Variants in GALNT13 observed in about 807,000 individuals in gnomAD.
GALNT13 encodes UDP-GalNAc:polypeptide N-acetylgalactosaminyltransferase 13.
A neutral mutation model predicts 64.2 loss-of-function variants in GALNT13; 28 were observed. The ratio of observed to expected loss-of-function variants is 0.44; its 90% CI spans 0.32 to 0.60. The LOEUF (loss-of-function observed/expected upper bound fraction) is 0.60, where lower values mean the gene tolerates loss of function less well. Ranked by LOEUF, GALNT13 falls within the 20% of genes least tolerant of loss-of-function variation. The probability of loss-of-function intolerance (pLI) is 0.05; values close to 1 mark genes in which losing one functional copy is unlikely to be tolerated. For synonymous variants in GALNT13, 214 were observed against 224.6 expected, an observed-to-expected ratio of 0.95 and a Z score of 0.42; for missense variants, 577 against 669.8, an observed-to-expected ratio of 0.86 and a Z score of 1.53.
At chr2:154,111,725 T>C (rs1318305810) in intron 3 of GALNT13, among the ~76,000 whole-genome samples, 1 of 152,144 alleles carries the variant, frequency 6.6e-6, no homozygotes, top group African/African-American at 2.4e-5. Flanking sequence ...AAGAGCACCA[T>C]ATATTGGACG....
In GALNT13 at chr2:153,913,921, A is replaced by C. The variant is rs1242656755; in HGVS notation, c.-105+12914A>C. Among the ~76,000 whole-genome samples, 3 of 152,172 alleles carry C rather than the reference A, an allele frequency of 2.0e-5. No homozygotes were observed. In the East Asian group the frequency reaches 5.8e-4, roughly 29 times the overall value. On this transcript the variant is annotated intron_variant, in intron 2 of 12. Transcript: ENST00000392825. Reference sequence around the variant, plus strand: ...TGTGTCTAGTTGGCCATCTTGGGGTAGGCAAGATATATCTTAAAAAATTAT... The same window carrying C: ...TGTGTCTAGTTGGCCATCTTGGGGTCGGCAAGATATATCTTAAAAAATTAT...
At chr2:153,209,666 T>A in the GALNT13 span, among the ~76,000 whole-genome samples, 2 of 152,166 alleles carry the variant, frequency 1.3e-5, no homozygotes, top group Admixed American at 1.3e-4. Flanking sequence ...CATGTTCTAA[T>A]ATGTTTTAGA....
the GALNT13 span, among the ~76,000 whole-genome samples, chr2:153,704,611 T>C: frequency 6.6e-6 from 1 of 152,142 alleles, no homozygotes; most frequent in Admixed American, 6.6e-5. Context: ...ATTGTTTGAG[T>C]GTGCATGTGA....
the GALNT13 span, among the ~76,000 whole-genome samples, chr2:153,839,873 A>G: frequency 6.6e-6 from 1 of 152,022 alleles, no homozygotes; most frequent in East Asian, 1.9e-4. Flanking sequence ...ATAGAACACT[A>G]TATTTTAAGC....
chr2:154,062,034 T>A (rs1259806399), intron 3 of GALNT13, among the ~76,000 whole-genome samples: 4 of 152,212 alleles, frequency 2.6e-5, no homozygotes, highest in Non-Finnish European at 5.9e-5. Context: ...AAAATATCAC[T>A]GTACTTGTAC....
the GALNT13 span, among the ~76,000 whole-genome samples, chr2:153,198,932 A>G: frequency 6.6e-6 from 1 of 152,138 alleles, no homozygotes. Context: ...ATTTGTCAAA[A>G]TTTTCTAAGT....
At chr2:153,184,186 C>T in the GALNT13 span, among the ~76,000 whole-genome samples, 4 of 152,086 alleles carry the variant, frequency 2.6e-5, no homozygotes, top group Non-Finnish European at 5.9e-5. Context: ...AAGTTATTTA[C>T]TTCCATTGTT....
the GALNT13 span, among the ~76,000 whole-genome samples, chr2:153,765,571 C>G: frequency 6.6e-5 from 10 of 152,220 alleles, no homozygotes; most frequent in East Asian, 1.5e-3. Flanking sequence ...TGCCTTGTGT[C>G]AGATGAGACT....
chr2:153,166,832 A>G, the GALNT13 span, among the ~76,000 whole-genome samples: 2 of 152,176 alleles, frequency 1.3e-5, no homozygotes. Flanking sequence ...TGGGTGACTC[A>G]CCATGCTACA....
the GALNT13 span, among the ~76,000 whole-genome samples, chr2:153,291,335 C>T: frequency 1.3e-5 from 2 of 152,110 alleles, no homozygotes; most frequent in African/African-American, 4.8e-5. Flanking sequence ...TATGCTGCAT[C>T]TTGAATTTTA....
At chr2:153,652,712 T>A in the GALNT13 span, among the ~76,000 whole-genome samples, 1 of 152,138 alleles carries the variant, frequency 6.6e-6, no homozygotes, top group Admixed American at 6.6e-5. Flanking sequence ...ATGCAAAATC[T>A]CACCAGTTTG....
At chr2:153,539,183 A>G in the GALNT13 span, among the ~76,000 whole-genome samples, 2 of 151,946 alleles carry the variant, frequency 1.3e-5, no homozygotes, top group East Asian at 3.9e-4. Context: ...GGCTGCATAA[A>G]TATCTTCTTT....
chr2:154,267,605 A>C (rs1009813446), intron 8 of GALNT13, among the ~76,000 whole-genome samples: 1 of 152,202 alleles, frequency 6.6e-6, no homozygotes, highest in African/African-American at 2.4e-5. Context: ...GTGCCACTGC[A>C]CTCCAGCCTG....
intron 4 of GALNT13, among the ~76,000 whole-genome samples, chr2:154,218,635 G>T (rs1688168888): frequency 1.3e-5 from 2 of 152,050 alleles, no homozygotes; most frequent in South Asian, 4.1e-4. Flanking sequence ...AGGCCTTTCA[G>T]TCTTTCTCTT....
At chr2:153,972,247 T>C (rs937547449) in intron 3 of GALNT13, among the ~76,000 whole-genome samples, 5 of 152,046 alleles carry the variant, frequency 3.3e-5, no homozygotes, top group African/African-American at 9.7e-5. Context: ...GAAACAAATA[T>C]AGCAACTAAT....
At chr2:153,700,802 T>C in the GALNT13 span, among the ~76,000 whole-genome samples, 1 of 152,104 alleles carries the variant, frequency 6.6e-6, no homozygotes, top group African/African-American at 2.4e-5. Context: ...GAAGGACCTC[T>C]TCAAAGAGAA....
chr2:153,415,682 T>C, the GALNT13 span, among the ~76,000 whole-genome samples: 2 of 152,284 alleles, frequency 1.3e-5, no homozygotes, highest in East Asian at 1.9e-4. Flanking sequence ...TGAAATAATA[T>C]AGAGTGTAAG....
At chr2:154,236,085 G>A in intron 4 of GALNT13, 1 of 1,202,216 alleles carries the variant, frequency 8.3e-7, no homozygotes, top group Non-Finnish European at 1.1e-6. Flanking sequence ...ACATCCAGAT[G>A]ACAGAAGAGA....
At chr2:153,855,859 G>A in the GALNT13 span, among the ~76,000 whole-genome samples, 2 of 152,152 alleles carry the variant, frequency 1.3e-5, no homozygotes, top group Non-Finnish European at 2.9e-5. Context: ...TGAATAAAAT[G>A]TGGTATGTTT....
Sources: allele counts gnomAD v4.1 joint callset (sites outside exome capture counted in the v4.1 genomes callset), GRCh38; gene constraint gnomAD v4.1.1; transcripts MANE v1.5; gene names NCBI Gene and HGNC (gene_info 2026-07-23, HGNC 2026-07-21).